Variants in SSBP3 observed in about 807,000 individuals in gnomAD.
The protein encoded by SSBP3 is single stranded DNA binding protein 3.
A neutral mutation model predicts 69.6 loss-of-function variants in SSBP3; 5 were observed. The ratio of observed to expected loss-of-function variants is 0.07; its 90% CI spans 0.04 to 0.15. The LOEUF is 0.15. SSBP3 is among the 10% of genes least tolerant of loss of function. SSBP3 has a pLI of 1.00. For missense variants in SSBP3, 312 were observed against 534.0 expected (o/e 0.58, Z 4.10); for synonymous variants, 196 against 193.4 (o/e 1.01, Z -0.11).
rs949439804 is a variant in SSBP3 at position 54,241,078 on chromosome 1, T to C, written c.802-119A>G. The C allele has an allele frequency of 5.5e-6, 6 of 1,082,740 alleles. No homozygotes were observed. The African/African-American group carries it at 9.6e-5, about 17-fold the overall frequency. 67.1% of individuals were successfully genotyped at this position (1,082,740 alleles called of 1,614,324 possible). On this transcript the variant is annotated intron_variant, in intron 12 of 17. Coordinates refer to ENST00000610401, the Ensembl canonical transcript of SSBP3. ...TCGCCCCAGGCCCAGCCGCTATTCA[T>C]CTTGCTACACCCCCAGCGCTCACTC...
chr1:54,297,216 T>G (rs907169569), intron 4 of SSBP3, among the ~76,000 whole-genome samples: 11 of 152,218 alleles, frequency 7.2e-5, no homozygotes, highest in Non-Finnish European at 1.5e-4. Context: ...TTGGGTCTGG[T>G]ACCAATTTGG....
intron 4 of SSBP3, among the ~76,000 whole-genome samples, chr1:54,350,442 A>T (rs927403659): frequency 1.3e-5 from 2 of 152,250 alleles, no homozygotes; most frequent in Non-Finnish European, 1.5e-5. Context: ...TGCAAAGCAG[A>T]AGTAGTCCTG....
chr1:54,241,435 C>T (rs749504214), intron 12 of SSBP3, 39 bp downstream of exon 12: 80 of 1,611,428 alleles, frequency 5.0e-5, no homozygotes, highest in African/African-American at 1.6e-4. Flanking sequence ...CTCAGTCCCA[C>T]GTGGCTAGAC....
chr1:54,240,144 C>T (rs1354038555), intron 13 of SSBP3, among the ~76,000 whole-genome samples: 3 of 147,496 alleles, frequency 2.0e-5, no homozygotes, highest in East Asian at 2.0e-4. Flanking sequence ...CGTATGTGCA[C>T]GCATGCCCTC....
intron 5 of SSBP3, among the ~76,000 whole-genome samples, chr1:54,272,574 A>G (rs1439757168): frequency 6.6e-6 from 1 of 151,778 alleles, no homozygotes; most frequent in Non-Finnish European, 1.5e-5. Flanking sequence ...CCCCTCAGTC[A>G]GCTATGAAGA....
At chr1:54,409,286 T>C (rs1649927943), upstream of SSBP3, among the ~76,000 whole-genome samples, 1 of 152,130 alleles carries the variant, frequency 6.6e-6, no homozygotes, top group African/African-American at 2.4e-5. Context: ...TTCTCACTCC[T>C]GGAGTGAAAC....
Position 54,258,893 on chromosome 1 carries a change from A to G in SSBP3, c.367-744T>C, listed in dbSNP as rs1208124177. ...TTTCTCATTCCAATTTTTACTGATG[A>G]GGAATCTAAGTCTCGAGGGATGAAG... is the stretch of plus-strand genomic sequence containing the variant. On this transcript the variant is annotated intron_variant, in intron 5 of 17. Coordinates refer to ENST00000610401, the Ensembl canonical transcript of SSBP3. This position sits in a 1 kb window ranked among gnomAD's most constrained non-coding sequence, Gnocchi z 4.5. 6.6e-6 allele frequency among the ~76,000 whole-genome samples: 1 copy of G among 152,164 alleles called. No individual in the cohort carries two copies. The highest frequency in any genetic ancestry group is 6.5e-5 in the Admixed American group (1 of 15,272).
chr1:54,362,058 G>A (rs987510874), intron 4 of SSBP3, among the ~76,000 whole-genome samples: 3 of 152,182 alleles, frequency 2.0e-5, no homozygotes, highest in Non-Finnish European at 4.4e-5. Context: ...TTCAGAATTT[G>A]TATCTTTTCA....
chr1:54,380,234 G>A (rs573318195), intron 4 of SSBP3, among the ~76,000 whole-genome samples: 8 of 152,256 alleles, frequency 5.3e-5, no homozygotes, highest in South Asian at 2.1e-4. Flanking sequence ...GGATTGACTC[G>A]CTCTGTGGTC....
chr1:54,227,230 A>T (rs977783383), intron 17 of SSBP3, 70 bp from the exon 18 acceptor site: 4 of 921,110 alleles, frequency 4.3e-6, no homozygotes. Flanking sequence ...CCCAGGTGCC[A>T]AGAGCCTGGG....
At chr1:54,410,741 T>G (rs1649967185), upstream of SSBP3, among the ~76,000 whole-genome samples, 1 of 152,180 alleles carries the variant, frequency 6.6e-6, no homozygotes, top group African/African-American at 2.4e-5. Flanking sequence ...CACCGTCCTC[T>G]CTGTGCAATG....
intron 14 of SSBP3, among the ~76,000 whole-genome samples, chr1:54,233,127 G>C (rs1448369845): frequency 2.0e-5 from 3 of 151,208 alleles, no homozygotes; most frequent in Non-Finnish European, 2.9e-5. Flanking sequence ...TCCCATCTAG[G>C]AAGTGAGGAG....
intron 12 of SSBP3, 118 bp downstream of exon 12, chr1:54,241,356 T>C (rs1408634261): frequency 1.5e-5 from 17 of 1,166,830 alleles, no homozygotes; most frequent in Admixed American, 6.9e-5. Context: ...TCTAGCAGTT[T>C]GGAACCTCTG....
chr1:54,357,385 T>A (rs6670569), intron 4 of SSBP3, among the ~76,000 whole-genome samples: 58,189 of 151,666 alleles, frequency 0.38, 12,679 homozygotes, highest in African/African-American at 0.6. Context: ...AGAAGGAAGG[T>A]AGGTCAATGT....
At chr1:54,351,375 CGG>C (rs1450636395) in intron 4 of SSBP3, among the ~76,000 whole-genome samples, 1 of 152,068 alleles carries the variant, frequency 6.6e-6, no homozygotes, top group East Asian at 1.9e-4. Flanking sequence ...CCAAGGTTAC[CGG>C]AAGGATGAAA....
chr1:54,379,526 T>G (rs1647451722), intron 4 of SSBP3, among the ~76,000 whole-genome samples: 1 of 152,224 alleles, frequency 6.6e-6, no homozygotes. Flanking sequence ...GTTTTGATTT[T>G]GGTTGGAATT....
At chr1:54,257,953 T>C in intron 6 of SSBP3, 116 bp downstream of exon 6, 1 of 962,986 alleles carries the variant, frequency 1.0e-6, no homozygotes, top group Non-Finnish European at 1.5e-6. Context: ...AATTTGTCAA[T>C]AAAGACTCGC....
At chr1:54,229,776 G>A (rs1235703897) in intron 14 of SSBP3, among the ~76,000 whole-genome samples, 1 of 152,150 alleles carries the variant, frequency 6.6e-6, no homozygotes, top group Non-Finnish European at 1.5e-5. Flanking sequence ...GTGGAATGGA[G>A]GGCTGTTTGG....
intron 17 of SSBP3, among the ~76,000 whole-genome samples, chr1:54,227,708 G>A (rs1327623771): frequency 6.6e-6 from 1 of 152,188 alleles, no homozygotes; most frequent in African/African-American, 2.4e-5. Context: ...CTCCCAAGTA[G>A]CTGGGACTAT....
Sources: allele counts gnomAD v4.1 joint callset (sites outside exome capture counted in the v4.1 genomes callset), GRCh38; gene constraint gnomAD v4.1.1; non-coding constraint Gnocchi (gnomAD v3.1); transcripts MANE v1.5; gene names NCBI Gene and HGNC (gene_info 2026-07-23, HGNC 2026-07-21).